PRKAR2B: variants seen among roughly 807,000 people sequenced by gnomAD.
PRKAR2B encodes protein kinase cAMP-dependent type II regulatory subunit beta.
In PRKAR2B, 14 loss-of-function variants were observed where a neutral mutation model predicts 49.9. The ratio of observed to expected loss-of-function variants is 0.28; its 90% CI spans 0.19 to 0.44. The LOEUF is 0.44. Ranked by LOEUF, PRKAR2B falls within the 20% of genes least tolerant of loss-of-function variation. The probability of loss-of-function intolerance (pLI) is 1.00; values close to 1 mark genes in which losing one functional copy is unlikely to be tolerated. For synonymous variants in PRKAR2B, 196 were observed against 197.7 expected, an observed-to-expected ratio of 0.99 and a Z score of 0.07; for missense variants, 393 against 537.9, an observed-to-expected ratio of 0.73 and a Z score of 2.67.
At chr7:107,096,914 G>T (rs1359465138) in intron 2 of PRKAR2B, among the ~76,000 whole-genome samples, 1 of 152,030 alleles carries the variant, frequency 6.6e-6, no homozygotes, top group East Asian at 1.9e-4. Context: ...CTTGCTGAGG[G>T]GTGCTTTACT....
chr7:107,132,497 G>T (rs559414068), intron 4 of PRKAR2B, among the ~76,000 whole-genome samples: 1 of 152,296 alleles, frequency 6.6e-6, no homozygotes, highest in Non-Finnish European at 1.5e-5. Context: ...GTAAGAAAAC[G>T]AGGTCATGAT....
At chr7:107,115,438 A>G (rs1464128905) in intron 2 of PRKAR2B, among the ~76,000 whole-genome samples, 1 of 152,228 alleles carries the variant, frequency 6.6e-6, no homozygotes, top group African/African-American at 2.4e-5. Context: ...GCTGAAATGT[A>G]GCCTGTAACC....
intron 2 of PRKAR2B, among the ~76,000 whole-genome samples, chr7:107,111,437 C>T (rs1013514097): frequency 2.0e-5 from 3 of 152,064 alleles, no homozygotes; most frequent in Admixed American, 2.0e-4. Flanking sequence ...GTAGTCACAG[C>T]AGGCCTTGGG....
intron 2 of PRKAR2B, among the ~76,000 whole-genome samples, chr7:107,114,793 T>C (rs1795241420): frequency 6.6e-6 from 1 of 152,160 alleles, no homozygotes; most frequent in African/African-American, 2.4e-5. Context: ...GTCCTGAACT[T>C]GATGTTTACT....
chr7:107,080,143 T>TA (rs1794488375), intron 2 of PRKAR2B, among the ~76,000 whole-genome samples: 1 of 152,018 alleles, frequency 6.6e-6, no homozygotes, highest in Non-Finnish European at 1.5e-5. Flanking sequence ...GGAAGGGGCA[T>TA]CTGTATGCCG....
In PRKAR2B at chr7:107,044,899, G is replaced by A; in HGVS notation, c.-9G>A. ...GCGGCGCCCAGGCGCCTGCCGCCCC[G>A]GAGGCAGGATGAGCATCGAGATCCC... On this transcript the variant is annotated 5_prime_UTR_variant, in exon 1 of 11. Coordinates refer to ENST00000265717, the MANE Select transcript of PRKAR2B (RefSeq NM_002736.3). 6.3e-7 allele frequency: 1 copy of A among 1,587,856 alleles called. No homozygotes were observed. The highest frequency in any genetic ancestry group is 8.5e-7 in the Non-Finnish European group (1 of 1,170,874).
chr7:107,049,408 A>T (rs1292294728), intron 1 of PRKAR2B, among the ~76,000 whole-genome samples: 1 of 152,220 alleles, frequency 6.6e-6, no homozygotes, highest in African/African-American at 2.4e-5. Context: ...TAAGACAAGC[A>T]TATCAAAAGT....
rs190130734 is a variant in PRKAR2B at position 107,125,015 on chromosome 7, T to C, written c.396+3011T>C. 3.7e-3 allele frequency among the ~76,000 whole-genome samples: 561 copies of C among 152,312 alleles called. 2 individuals carry two copies. The highest frequency in any genetic ancestry group is 0.017 in the Middle Eastern group (5 of 294). On this transcript the variant is annotated intron_variant, in intron 3 of 10. Coordinates refer to ENST00000265717, the MANE Select transcript of PRKAR2B (RefSeq NM_002736.3). ...TGTCTGTTGGGTTACATTAAAACTTTATGACGCTTGAATTTGAATTTAATA... is the reference window on the plus strand; with the variant it reads ...TGTCTGTTGGGTTACATTAAAACTTCATGACGCTTGAATTTGAATTTAATA...
chr7:107,153,723 CT>C (rs1391869364), intron 8 of PRKAR2B, among the ~76,000 whole-genome samples: 1 of 152,118 alleles, frequency 6.6e-6, no homozygotes, highest in Admixed American at 6.6e-5. Context: ...ATCCCTAATA[CT>C]TTTCTAAGAT....
chr7:107,160,192 G>A lies in PRKAR2B; in HGVS notation c.*610G>A, dbSNP rs1346901966. 2.0e-5 allele frequency: 3 copies of A among 152,594 alleles called. No homozygotes were observed. Among genetic ancestry groups the A allele is most frequent in the Non-Finnish European group, 2.9e-5 (2 of 68,034 alleles). The allele number at this position is 152,594 out of a possible 1,614,324, so 9.5% of individuals were successfully genotyped here. The stretch of plus-strand genomic sequence containing the variant: ...TTTTGACTTTGTTGGCATAATGTCA[G>A]TAACATACATATTCCAGTGGTTTTA... On this transcript the variant is annotated 3_prime_UTR_variant, in exon 11 of 11. Coordinates refer to ENST00000265717, the MANE Select transcript of PRKAR2B (RefSeq NM_002736.3).
intron 2 of PRKAR2B, among the ~76,000 whole-genome samples, chr7:107,093,256 CAT>C (rs937810493): frequency 5.9e-5 from 9 of 152,100 alleles, no homozygotes; most frequent in Non-Finnish European, 1.2e-4. Context: ...CTTGTTGAAT[CAT>C]GTGGTGATTC....
intron 4 of PRKAR2B, among the ~76,000 whole-genome samples, chr7:107,132,005 A>G (rs971261868): frequency 3.9e-5 from 6 of 152,224 alleles, no homozygotes; most frequent in Non-Finnish European, 8.8e-5. Flanking sequence ...TGGAATTTAT[A>G]GTTTAATGAG....
At chr7:107,064,739 A>G (rs939655698) in intron 1 of PRKAR2B, among the ~76,000 whole-genome samples, 7 of 152,230 alleles carry the variant, frequency 4.6e-5, no homozygotes, top group African/African-American at 1.7e-4. Flanking sequence ...TCAAGGGCTT[A>G]CAAGACAGTG....
chr7:107,135,848 G>A (rs1323655574), intron 4 of PRKAR2B, among the ~76,000 whole-genome samples: 2 of 152,122 alleles, frequency 1.3e-5, no homozygotes, highest in Non-Finnish European at 1.5e-5. Flanking sequence ...CTAAAGTTTG[G>A]AGAGGCAAAA....
At chr7:107,144,826 C>G (rs1218484355) in intron 5 of PRKAR2B, among the ~76,000 whole-genome samples, 1 of 146,820 alleles carries the variant, frequency 6.8e-6, no homozygotes, top group African/African-American at 2.5e-5. Flanking sequence ...CAGCACGTCC[C>G]CACTCTTTGT....
intron 2 of PRKAR2B, among the ~76,000 whole-genome samples, chr7:107,092,538 G>A: frequency 6.6e-6 from 1 of 151,958 alleles, no homozygotes; most frequent in East Asian, 1.9e-4. Flanking sequence ...TGCTGCTATT[G>A]CCTGTATATT....
chr7:107,113,886 T>C (rs774239100), intron 2 of PRKAR2B, among the ~76,000 whole-genome samples: 46 of 152,144 alleles, frequency 3.0e-4, no homozygotes, highest in Non-Finnish European at 5.6e-4. Context: ...TCCTCTATTG[T>C]CAGAATCGCA....
Position 107,045,096 on chromosome 7 carries a change from C to T in PRKAR2B, c.189C>T (p.Ala63=). Residue 63 remains alanine (A), a synonymous_variant, in exon 1 of 11, where the codon GCC becomes GCT. Transcript: ENST00000265717. ...HEGRTWGDLG[A]AAGGGTPSKG... is the part of the protein sequence containing the mutation. ...GCAGGACCTGGGGGGACCTGGGCGCCGCTGCCGGGGGCGGCACCCCCAGCA... is the reference window on the plus strand; with the variant it reads ...GCAGGACCTGGGGGGACCTGGGCGCTGCTGCCGGGGGCGGCACCCCCAGCA... The T allele has an allele frequency of 6.5e-7, 1 of 1,530,418 alleles. No homozygotes were observed. Among genetic ancestry groups the T allele is most frequent in the Non-Finnish European group, 8.8e-7 (1 of 1,141,506 alleles). The allele number at this position is 1,530,418 out of a possible 1,614,324, so 94.8% of individuals were successfully genotyped here.
chr7:107,146,533 G>T, intron 6 of PRKAR2B, 72 bp downstream of exon 6: 1 of 1,472,426 alleles, frequency 6.8e-7, no homozygotes, highest in East Asian at 2.3e-5. Flanking sequence ...ACAAATTGCC[G>T]CATGTAGTAT....
Sources: gnomAD v4.1 joint callset for allele counts (sites outside exome capture counted in the v4.1 genomes callset) on GRCh38, gnomAD v4.1.1 for gene constraint, MANE v1.5 for transcripts, NCBI Gene and HGNC (gene_info 2026-07-23, HGNC 2026-07-21) for gene names.